DPYSL5: variants seen among roughly 807,000 people sequenced by gnomAD.
DPYSL5 encodes the protein dihydropyrimidinase like 5.
Under a neutral mutation model 58.4 loss-of-function variants are expected in DPYSL5, and 9 were observed. That is an observed-to-expected ratio of 0.15 (90% CI 0.09 to 0.27). The LOEUF is 0.27. DPYSL5 is among the 10% of genes least tolerant of loss of function. The pLI, the probability that DPYSL5 is intolerant of heterozygous loss-of-function variation, is 1.00. For missense variants in DPYSL5, 499 were observed against 770.6 expected, an observed-to-expected ratio of 0.65 and a Z score of 4.17; for synonymous variants, 293 against 301.9, an observed-to-expected ratio of 0.97 and a Z score of 0.31.
intron 1 of DPYSL5, among the ~76,000 whole-genome samples, chr2:26,874,924 G>T (rs765838487): frequency 6.6e-6 from 1 of 152,208 alleles, no homozygotes; most frequent in Non-Finnish European, 1.5e-5. Context: ...AGATTGGAAA[G>T]AATGGACATC....
At chr2:26,928,135 A>G (rs531171120) in intron 4 of DPYSL5, 120 bp from the exon 5 acceptor site, 40 of 1,078,208 alleles carry the variant, frequency 3.7e-5, no homozygotes, top group Non-Finnish European at 5.1e-5. Context: ...GAAGTGAGAA[A>G]AGAAGCAAGC....
intron 1 of DPYSL5, among the ~76,000 whole-genome samples, chr2:26,895,416 T>C (rs1012673903): frequency 1.3e-5 from 2 of 152,238 alleles, no homozygotes; most frequent in African/African-American, 4.8e-5. Flanking sequence ...TTTTGTAGTT[T>C]TCAGCATACA....
rs1665501008 is a variant in DPYSL5 at position 26,946,923 on chromosome 2, T to C, written c.1623T>C (p.Asp541=). Residue 541 remains aspartate (D), a synonymous_variant, in exon 13 of 13, where the codon GAT becomes GAC. Transcript: ENST00000288699. ...CCTTCCCTGCAGGCTCTCAGATCGA[T>C]GACCATGTTCCAAAGCGAGCTTCAG... ...SSFSLSGSQI[D]DHVPKRASAR... The C allele has an allele frequency of 1.2e-6, 2 of 1,614,144 alleles. No homozygotes were observed. The highest frequency in any genetic ancestry group is 2.2e-5 in the East Asian group (1 of 44,878).
chr2:26,898,599 A>G lies in DPYSL5; in HGVS notation c.100A>G (p.Ile34Val), dbSNP rs2148137015. The G allele has an allele frequency of 6.2e-7, 1 of 1,614,182 alleles. No individual in the cohort carries two copies. Among genetic ancestry groups the G allele is most frequent in the East Asian group, 2.2e-5 (1 of 44,886 alleles). Residue 34 changes from isoleucine (I) to valine (V), a missense_variant, in exon 2 of 13, where the codon ATC (isoleucine) becomes GTC (valine). Transcript: ENST00000288699. The surrounding 1 kb of genome is among the most constrained non-coding windows in gnomAD (Gnocchi z 6.1). ...HEADVYIENG[I>V]IQQVGRELMI... ...GGCTGACGTCTACATCGAGAATGGC[A>G]TCATCCAGCAGGTGGGCCGCGAGCT... is the stretch of plus-strand genomic sequence containing the variant.
chr2:26,930,929 G>C (rs564664544), intron 5 of DPYSL5, among the ~76,000 whole-genome samples: 1 of 150,360 alleles, frequency 6.7e-6, no homozygotes, highest in Non-Finnish European at 1.5e-5. Context: ...AGCCAAGATT[G>C]CGCCACTGCA....
rs147303484 is a variant in DPYSL5 at position 26,854,004 on chromosome 2, C to T, written c.-5+5750C>T. On this transcript the variant is annotated intron_variant, in intron 1 of 12. Coordinates refer to ENST00000288699, the MANE Select transcript of DPYSL5 (RefSeq NM_020134.4). Reference sequence around the variant, plus strand: ...GCAGTGAGCTGTGATTACACCACTGCACTTCAGCCTGAGCAACAGAGCAAG... The same window carrying T: ...GCAGTGAGCTGTGATTACACCACTGTACTTCAGCCTGAGCAACAGAGCAAG... 6.0e-3 allele frequency among the ~76,000 whole-genome samples: 907 copies of T among 151,850 alleles called. 11 individuals carry two copies. The highest frequency in any genetic ancestry group is 0.021 in the African/African-American group (870 of 41,376).
intron 1 of DPYSL5, among the ~76,000 whole-genome samples, chr2:26,866,705 A>G (rs1358277669): frequency 6.6e-6 from 1 of 151,978 alleles, no homozygotes; most frequent in African/African-American, 2.4e-5. Context: ...TAAAAGTAAT[A>G]ATAAAATAAA....
chr2:26,919,274 G>C (rs1282211152), intron 2 of DPYSL5, among the ~76,000 whole-genome samples: 1 of 152,202 alleles, frequency 6.6e-6, no homozygotes, highest in Non-Finnish European at 1.5e-5. Flanking sequence ...AAAAGGTTTA[G>C]ACTGAGTTCT....
chr2:26,891,257 G>A (rs1663873466), intron 1 of DPYSL5, among the ~76,000 whole-genome samples: 1 of 152,222 alleles, frequency 6.6e-6, no homozygotes, highest in Admixed American at 6.5e-5. Flanking sequence ...TATATAGTCA[G>A]TGTCTAGTAA....
At position 26,925,020 on chromosome 2, in the gene DPYSL5, T is replaced by G. The variant is rs746781941; in HGVS notation, c.395T>G (p.Val132Gly). ...GTCTGCTGTGATTACGCCCTCCACG[T>G]GGGGATCACCTGGTGGGCACCCAAG... is the stretch of plus-strand genomic sequence containing the variant. ...PKVCCDYALH[V>G]GITWWAPKVK... Residue 132 changes from valine (V) to glycine (G), a missense_variant, in exon 3 of 13, where the codon GTG becomes GGG. Val to Gly is a moderately radical substitution (Grantham distance 109). This residue lies in a region of DPYSL5 where 404 missense variants were observed against 647.6 expected (regional missense o/e 0.62). Transcript: ENST00000288699. This position sits in a 1 kb window ranked among gnomAD's most constrained non-coding sequence, Gnocchi z 4.5. 6.2e-7 allele frequency: 1 copy of G among 1,613,992 alleles called. No individual in the cohort carries two copies. The highest frequency in any genetic ancestry group is 1.3e-5 in the African/African-American group (1 of 74,912).
chr2:26,884,467 G>A (rs181655793), intron 1 of DPYSL5, among the ~76,000 whole-genome samples: 13 of 151,672 alleles, frequency 8.6e-5, no homozygotes, highest in Non-Finnish European at 1.8e-4. Flanking sequence ...TGCACACTTG[G>A]GCTGGGAGGT....
At chr2:26,892,661 G>T (rs1194970035) in intron 1 of DPYSL5, among the ~76,000 whole-genome samples, 3 of 140,918 alleles carry the variant, frequency 2.1e-5, no homozygotes, top group African/African-American at 5.2e-5. Flanking sequence ...ATGACATAGA[G>T]AACTAAAAAA....
chr2:26,869,319 T>G (rs1453096193), intron 1 of DPYSL5, among the ~76,000 whole-genome samples: 1 of 152,182 alleles, frequency 6.6e-6, no homozygotes, highest in African/African-American at 2.4e-5. Flanking sequence ...GAGGTGTAAT[T>G]TACATACTAT....
chr2:26,910,918 C>T (rs989662023), intron 2 of DPYSL5, among the ~76,000 whole-genome samples: 19 of 151,814 alleles, frequency 1.3e-4, no homozygotes, highest in African/African-American at 4.6e-4. Flanking sequence ...ATTTCTACTT[C>T]ATGCTTTTTG....
intron 1 of DPYSL5, among the ~76,000 whole-genome samples, chr2:26,869,984 C>T (rs1663217151): frequency 6.6e-6 from 1 of 152,206 alleles, no homozygotes; most frequent in Non-Finnish European, 1.5e-5. Flanking sequence ...GCACTCCAGC[C>T]TGGGTGACAG....
At chr2:26,889,432 G>A (rs1663813727) in intron 1 of DPYSL5, among the ~76,000 whole-genome samples, 1 of 152,010 alleles carries the variant, frequency 6.6e-6, no homozygotes. Flanking sequence ...ACCACGCCCG[G>A]CTAATTTTTT....
At chr2:26,865,540 C>T (rs1312174295) in intron 1 of DPYSL5, among the ~76,000 whole-genome samples, 1 of 152,038 alleles carries the variant, frequency 6.6e-6, no homozygotes. Flanking sequence ...GTCTTGATCT[C>T]CTGACCTCGT....
Position 26,929,512 on chromosome 2 carries a change from G to A in DPYSL5, c.669+1189G>A, listed in dbSNP as rs574572535. Reference sequence around the variant, plus strand: ...CTCCCAAAGTGCTGGGATTACAGGCGTGAGCCACCGTGCCCAGTCCTGAGG... The same window carrying A: ...CTCCCAAAGTGCTGGGATTACAGGCATGAGCCACCGTGCCCAGTCCTGAGG... On this transcript the variant is annotated intron_variant, in intron 5 of 12. Coordinates refer to ENST00000288699, the MANE Select transcript of DPYSL5 (RefSeq NM_020134.4). Among the ~76,000 whole-genome samples the A allele has an allele frequency of 7.9e-5, 12 of 152,262 alleles. No individual in the cohort carries two copies. In the South Asian group the frequency reaches 1.7e-3, roughly 21 times the overall value.
In DPYSL5 at chr2:26,931,767, G is replaced by A; in HGVS notation, c.714+83G>A. The A allele has an allele frequency of 3.4e-6, 5 of 1,487,092 alleles. No homozygotes were observed. In the South Asian group the frequency reaches 5.7e-5, roughly 17 times the overall value. 92.1% of individuals were successfully genotyped at this position (1,487,092 alleles called of 1,614,324 possible). ...TGATGTCTGTAATCCCAGCACTTTG[G>A]GAGGCCGAGGTGCGTGGATCACCTG... is the stretch of plus-strand genomic sequence containing the variant. On this transcript the variant is annotated intron_variant, in intron 6 of 12. Transcript: ENST00000288699.
Sources: gnomAD v4.1 joint callset for allele counts (sites outside exome capture counted in the v4.1 genomes callset) on GRCh38, gnomAD v4.1.1 for gene constraint, gnomAD v4.1.1 regional missense constraint, Gnocchi (gnomAD v3.1) non-coding constraint, MANE v1.5 for transcripts, NCBI Gene and HGNC (gene_info 2026-07-23, HGNC 2026-07-21) for gene names.